RGS7: variants seen among roughly 807,000 people sequenced by gnomAD.
The protein encoded by RGS7 is regulator of G protein signaling 7.
RGS7 carries 27 observed loss-of-function variants against 81.1 expected under a neutral mutation model. The observed-to-expected ratio is 0.33, with a 90% CI of 0.25 to 0.46. The LOEUF is 0.46. RGS7 is among the 20% of genes least tolerant of loss of function. The probability of loss-of-function intolerance (pLI) is 1.00; values close to 1 mark genes in which losing one functional copy is unlikely to be tolerated. For synonymous variants in RGS7, 208 were observed against 207.7 expected (o/e 1.00, Z -0.01); for missense variants, 396 against 607.4 (o/e 0.65, Z 3.66).
At chr1:241,300,107 C>T (rs7532620) in intron 2 of RGS7, among the ~76,000 whole-genome samples, 18 of 151,390 alleles carry the variant, frequency 1.2e-4, no homozygotes, top group African/African-American at 4.1e-4. Flanking sequence ...AGAGCAAGAC[C>T]ATGTCTCAAA....
At chr1:241,191,674 G>A (rs1422896711) in intron 2 of RGS7, among the ~76,000 whole-genome samples, 1 of 152,196 alleles carries the variant, frequency 6.6e-6, no homozygotes, top group Non-Finnish European at 1.5e-5. Context: ...GTGAATTGGT[G>A]TTAATTTTTC....
At chr1:241,354,643 T>C (rs928144581) in intron 2 of RGS7, among the ~76,000 whole-genome samples, 4 of 152,230 alleles carry the variant, frequency 2.6e-5, no homozygotes, top group African/African-American at 9.6e-5. Context: ...TAGCACATAG[T>C]CTTTCATCTT....
At chr1:241,120,385 T>C (rs962920227) in intron 2 of RGS7, among the ~76,000 whole-genome samples, 14 of 152,216 alleles carry the variant, frequency 9.2e-5, no homozygotes, top group South Asian at 4.1e-4. Flanking sequence ...TCTTGCTCTG[T>C]TGCCCAGGCT....
intron 2 of RGS7, among the ~76,000 whole-genome samples, chr1:241,183,740 G>C (rs533451904): frequency 6.6e-6 from 1 of 152,294 alleles, no homozygotes; most frequent in South Asian, 2.1e-4. Flanking sequence ...AAGAGAAAGA[G>C]GCTCTATGTA....
intron 3 of RGS7, among the ~76,000 whole-genome samples, chr1:241,059,987 ACAT>A (rs2061664958): frequency 6.6e-6 from 1 of 151,564 alleles, no homozygotes; most frequent in Non-Finnish European, 1.5e-5. Context: ...AATTCCATCA[ACAT>A]CATCACCTAA....
Position 241,295,314 on chromosome 1 carries a change from A to G in RGS7, c.78+60385T>C, listed in dbSNP as rs551109750. ...AAAAAAATACAAAAATTAGCCAGGC[A>G]TGGTGGTGCATGCCTGAAATCCCAG... On this transcript the variant is annotated intron_variant, in intron 2 of 18. Coordinates refer to ENST00000440928, the MANE Select transcript of RGS7 (RefSeq NM_001364886.1). 4.6e-5 allele frequency among the ~76,000 whole-genome samples: 7 copies of G among 151,736 alleles called. No homozygotes were observed. The East Asian group carries it at 7.8e-4, about 17-fold the overall frequency.
At position 240,912,737 on chromosome 1, in the gene RGS7, A is replaced by G. The variant is rs558372168; in HGVS notation, c.385+17980T>C. Among the ~76,000 whole-genome samples, 5 of 151,934 alleles carry G rather than the reference A, an allele frequency of 3.3e-5. No homozygotes were observed. The East Asian group carries it at 9.6e-4, about 29-fold the overall frequency. Reference sequence around the variant, plus strand: ...TCCCAACACAAACACATAATTTTTAATATATAAATAAATATATATATTTAC... The same window carrying G: ...TCCCAACACAAACACATAATTTTTAGTATATAAATAAATATATATATTTAC... On this transcript the variant is annotated intron_variant, in intron 6 of 18. Transcript: ENST00000440928.
chr1:241,082,496 C>G (rs998782239), intron 3 of RGS7, among the ~76,000 whole-genome samples: 1 of 152,126 alleles, frequency 6.6e-6, no homozygotes, highest in Non-Finnish European at 1.5e-5. Context: ...TCATCTTGGT[C>G]GTATCAGATG....
intron 2 of RGS7, among the ~76,000 whole-genome samples, chr1:241,125,194 C>T (rs142515167): frequency 1.0e-3 from 157 of 152,282 alleles, no homozygotes; most frequent in African/African-American, 3.7e-3. Context: ...TCTATCCACA[C>T]AGGCGGTCAT....
At chr1:240,953,867 G>T (rs148906966) in intron 4 of RGS7, among the ~76,000 whole-genome samples, 1 of 151,986 alleles carries the variant, frequency 6.6e-6, no homozygotes, top group Admixed American at 6.5e-5. Context: ...CAGGCAAACC[G>T]TGTGAAAAAG....
intron 3 of RGS7, among the ~76,000 whole-genome samples, chr1:241,078,375 C>T (rs1347997986): frequency 7.6e-6 from 1 of 132,186 alleles, no homozygotes; most frequent in Non-Finnish European, 1.6e-5. Flanking sequence ...AAGCACAGAT[C>T]ACCAAAATAG....
chr1:241,162,222 G>GCCCCCCCCCCCCCCC (rs68166816), intron 2 of RGS7, among the ~76,000 whole-genome samples: 2 of 142,028 alleles, frequency 1.4e-5, no homozygotes, highest in Non-Finnish European at 3.1e-5. Flanking sequence ...CTGGTGATCA[G>GCCCCCCCCCCCCCCC]CTTCCAAATA....
intron 2 of RGS7, among the ~76,000 whole-genome samples, chr1:241,342,298 T>C (rs12128798): frequency 0.093 from 14,077 of 152,150 alleles, 879 homozygotes; most frequent in South Asian, 0.23. Flanking sequence ...ATTAGGCCCA[T>C]CAGCACACCA....
At position 241,156,127 on chromosome 1, in the gene RGS7, AATG is replaced by A. The variant is rs34774787; in HGVS notation, c.79-57368_79-57366del. ...ACCTGAGATAGAGGATAGAAAGATAAATGATGATAGATAGATAGATAGATAGAT... is the reference window on the plus strand; with the variant it reads ...ACCTGAGATAGAGGATAGAAAGATAAATGATAGATAGATAGATAGATAGAT... On this transcript the variant is annotated intron_variant, in intron 2 of 18. Coordinates refer to ENST00000440928, the MANE Select transcript of RGS7 (RefSeq NM_001364886.1). Among the ~76,000 whole-genome samples the A allele has an allele frequency of 1.6e-3, 213 of 130,112 alleles. No homozygotes were observed. The East Asian group carries it at 0.02, about 12-fold the overall frequency. 85.4% of individuals were successfully genotyped at this position (130,112 alleles called of 152,430 possible).
At chr1:240,802,872 C>A in intron 16 of RGS7, 32 bp downstream of exon 16, 1 of 1,373,438 alleles carries the variant, frequency 7.3e-7, no homozygotes, top group Non-Finnish European at 1.0e-6. Flanking sequence ...GAGAACTAGG[C>A]CAAGAAAAAA....
At position 241,249,560 on chromosome 1, in the gene RGS7, A is replaced by G. The variant is rs73122037; in HGVS notation, c.78+106139T>C. Among the ~76,000 whole-genome samples the G allele has an allele frequency of 2.0e-3, 297 of 152,226 alleles. 2 individuals carry two copies. Among genetic ancestry groups the G allele is most frequent in the African/African-American group, 6.7e-3 (279 of 41,564 alleles). The stretch of plus-strand genomic sequence containing the variant: ...ATTTTGGCAATTCCAGACCTTTTTC[A>G]TTTCCATATAAATTTTATAATCAAT... On this transcript the variant is annotated intron_variant, in intron 2 of 18. Coordinates refer to ENST00000440928, the MANE Select transcript of RGS7 (RefSeq NM_001364886.1).
intron 2 of RGS7, among the ~76,000 whole-genome samples, chr1:241,334,490 A>G (rs1235669197): frequency 6.6e-6 from 1 of 152,152 alleles, no homozygotes; most frequent in African/African-American, 2.4e-5. Flanking sequence ...CCTCTGAGCC[A>G]GTCCACCTCT....
At chr1:240,812,171 T>C in intron 13 of RGS7, 128 bp from the exon 14 acceptor site, 3 of 909,126 alleles carry the variant, frequency 3.3e-6, no homozygotes, top group South Asian at 1.5e-5. Context: ...TAAAAATATA[T>C]ATATCCGATT....
chr1:240,962,991 A>G (rs1681709072), intron 4 of RGS7, among the ~76,000 whole-genome samples: 1 of 152,220 alleles, frequency 6.6e-6, no homozygotes, highest in African/African-American at 2.4e-5. Flanking sequence ...ATTGAACTTC[A>G]GAAGAGACAT....
Sources: gnomAD v4.1 joint callset for allele counts (sites outside exome capture counted in the v4.1 genomes callset) on GRCh38, gnomAD v4.1.1 for gene constraint, MANE v1.5 for transcripts, NCBI Gene and HGNC (gene_info 2026-07-23, HGNC 2026-07-21) for gene names.